PXDNL: variants seen among roughly 807,000 people sequenced by gnomAD.
The protein encoded by PXDNL is peroxidasin like.
In PXDNL, 145 loss-of-function variants were observed where a neutral mutation model predicts 150.8. The ratio of observed to expected loss-of-function variants is 0.96; its 90% CI spans 0.84 to 1.10. The LOEUF (loss-of-function observed/expected upper bound fraction) is 1.10. PXDNL is among the 50% of genes least tolerant of loss of function. PXDNL has a pLI of 0.00. For synonymous variants in PXDNL, 757 were observed against 725.7 expected (o/e 1.04, Z -0.69); for missense variants, 2,087 against 1,873.9 (o/e 1.11, Z -2.10).
At chr8:51,697,177 G>A (rs1000852207) in intron 1 of PXDNL, among the ~76,000 whole-genome samples, 3 of 151,832 alleles carry the variant, frequency 2.0e-5, no homozygotes, top group Non-Finnish European at 2.9e-5. Flanking sequence ...GGTGGCGGGC[G>A]CCTGTAATTC....
chr8:51,691,977 T>C (rs1469638227), intron 1 of PXDNL, among the ~76,000 whole-genome samples: 1 of 152,176 alleles, frequency 6.6e-6, no homozygotes, highest in Non-Finnish European at 1.5e-5. Flanking sequence ...GAATTGTTCA[T>C]AGGTAGAACC....
chr8:51,359,575 G>C (rs964986509), intron 19 of PXDNL, among the ~76,000 whole-genome samples: 8 of 151,796 alleles, frequency 5.3e-5, no homozygotes, highest in African/African-American at 1.9e-4. Context: ...AAAAATATTT[G>C]GAGGACACGT....
intron 10 of PXDNL, among the ~76,000 whole-genome samples, chr8:51,450,697 A>G (rs1489194198): frequency 6.6e-6 from 1 of 152,204 alleles, no homozygotes; most frequent in Non-Finnish European, 1.5e-5. Context: ...AAATTCATGG[A>G]AACCCTCAGG....
Position 51,788,910 on chromosome 8 carries a change from T to C in PXDNL, c.164+20271A>G, listed in dbSNP as rs999059394. ...AACTGCCTTCCAGAGCACCAACTAC[T>C]CCACAAGGGCCAAGTCAAATGAACC... On this transcript the variant is annotated intron_variant, in intron 1 of 22. Transcript: ENST00000356297. 5.9e-5 allele frequency among the ~76,000 whole-genome samples: 9 copies of C among 152,282 alleles called. No individual in the cohort carries two copies. In the East Asian group the frequency reaches 1.2e-3, roughly 20 times the overall value.
intron 2 of PXDNL, among the ~76,000 whole-genome samples, chr8:51,599,357 G>T (rs1274141830): frequency 1.3e-5 from 2 of 151,646 alleles, no homozygotes; most frequent in African/African-American, 2.4e-5. Flanking sequence ...CTAATTTTTT[G>T]AGGTAGGCAT....
intron 4 of PXDNL, 136 bp from the exon 5 acceptor site, chr8:51,499,906 G>C (rs1463455644): frequency 1.7e-6 from 1 of 600,062 alleles, no homozygotes; most frequent in South Asian, 2.1e-5. Flanking sequence ...ACAAAAATCA[G>C]AAACTCTGAG....
intron 12 of PXDNL, among the ~76,000 whole-genome samples, chr8:51,444,705 T>C (rs2129910547): frequency 6.6e-6 from 1 of 152,224 alleles, no homozygotes; most frequent in Admixed American, 6.5e-5. Context: ...GGGAAAAATA[T>C]TCCTCATAAT....
At chr8:51,779,103 G>A (rs566374470) in intron 1 of PXDNL, among the ~76,000 whole-genome samples, 1 of 152,216 alleles carries the variant, frequency 6.6e-6, no homozygotes, top group African/African-American at 2.4e-5. Flanking sequence ...GACCACTAAT[G>A]AAAAGGGGGT....
At chr8:51,750,783 T>C (rs564206049) in intron 1 of PXDNL, among the ~76,000 whole-genome samples, 2 of 152,356 alleles carry the variant, frequency 1.3e-5, no homozygotes, top group East Asian at 3.9e-4. Flanking sequence ...AATTGAACTT[T>C]ATCATAGGTA....
chr8:51,336,021 C>T (rs1323019476), intron 21 of PXDNL, among the ~76,000 whole-genome samples: 2 of 152,126 alleles, frequency 1.3e-5, no homozygotes, highest in Non-Finnish European at 2.9e-5. Context: ...AATGTCAAGA[C>T]AGACCTTATG....
At chr8:51,587,317 G>T (rs59078405) in intron 3 of PXDNL, among the ~76,000 whole-genome samples, 7,779 of 152,178 alleles carry the variant, frequency 0.051, 465 homozygotes, top group African/African-American at 0.15. Context: ...AGATCTTCAA[G>T]AAATCTTAGC....
intron 1 of PXDNL, among the ~76,000 whole-genome samples, chr8:51,745,034 T>C (rs2036968355): frequency 6.6e-6 from 1 of 151,384 alleles, no homozygotes; most frequent in African/African-American, 2.4e-5. Context: ...AAGAAATCAA[T>C]TTTAAAATAT....
At chr8:51,388,991 T>C (rs963560379) in intron 17 of PXDNL, among the ~76,000 whole-genome samples, 1 of 152,242 alleles carries the variant, frequency 6.6e-6, no homozygotes. Context: ...GCACAGAGTC[T>C]CTCCTATTGT....
chr8:51,733,107 T>C (rs2130937279), intron 1 of PXDNL, among the ~76,000 whole-genome samples: 1 of 152,376 alleles, frequency 6.6e-6, no homozygotes, highest in Non-Finnish European at 1.5e-5. Flanking sequence ...ACATGGTAGG[T>C]GCTCAGTAGT....
chr8:51,453,825 G>A lies in PXDNL; in HGVS notation c.983-40C>T, dbSNP rs1809865055. 2.5e-6 allele frequency: 4 copies of A among 1,599,482 alleles called. No individual in the cohort carries two copies. In the Admixed American group the frequency reaches 5.1e-5, roughly 20 times the overall value. ...GGAACAAAACGAAATCCAGCAAGTA[G>A]CAGTTAGGAAGATTTATTTATTCTG... On this transcript the variant is annotated intron_variant, in intron 9 of 22. Transcript: ENST00000356297.
At chr8:51,383,128 C>T (rs1400865556) in intron 17 of PXDNL, among the ~76,000 whole-genome samples, 1 of 152,202 alleles carries the variant, frequency 6.6e-6, no homozygotes. Flanking sequence ...AGTCTGAGAT[C>T]CATAAGCTCT....
At chr8:51,698,211 C>A (rs1816184914) in intron 1 of PXDNL, among the ~76,000 whole-genome samples, 1 of 152,188 alleles carries the variant, frequency 6.6e-6, no homozygotes, top group Non-Finnish European at 1.5e-5. Context: ...TGAAGAATTT[C>A]TCTGTATCAT....
At chr8:51,515,096 C>T (rs528554338) in intron 4 of PXDNL, among the ~76,000 whole-genome samples, 2 of 152,274 alleles carry the variant, frequency 1.3e-5, no homozygotes, top group African/African-American at 4.8e-5. Context: ...CTTAGCCTCA[C>T]CTTACAGGGG....
At chr8:51,389,512 T>C (rs765179170) in intron 17 of PXDNL, among the ~76,000 whole-genome samples, 5 of 152,186 alleles carry the variant, frequency 3.3e-5, no homozygotes, top group Non-Finnish European at 7.4e-5. Context: ...GAACTCTGTT[T>C]CAGGCCTCTG....
Sources: allele counts gnomAD v4.1 joint callset (sites outside exome capture counted in the v4.1 genomes callset), GRCh38; gene constraint gnomAD v4.1.1; transcripts MANE v1.5; gene names NCBI Gene and HGNC (gene_info 2026-07-23, HGNC 2026-07-21).